The following ZNRF1 variants were observed in gnomAD, a reference collection of about 807,000 sequenced individuals.
ZNRF1 encodes the protein E3 ubiquitin-protein ligase ZNRF1.
ZNRF1 carries 3 observed loss-of-function variants against 18.4 expected under a neutral mutation model. That is an observed-to-expected ratio of 0.16 (90% CI 0.07 to 0.42). The LOEUF is 0.42. ZNRF1 is among the 10% of genes least tolerant of loss of function. ZNRF1 has a pLI of 0.99. For missense variants in ZNRF1, 310 were observed against 329.8 expected (o/e 0.94, Z 0.47); for synonymous variants, 157 against 144.2 (o/e 1.09, Z -0.64).
intron 1 of ZNRF1, among the ~76,000 whole-genome samples, chr16:75,048,544 C>T (rs1007675193): frequency 6.6e-6 from 1 of 152,272 alleles, no homozygotes; most frequent in African/African-American, 2.4e-5. Flanking sequence ...CTTAAAATTT[C>T]GCCTTTACAA....
At chr16:75,054,266 G>A (rs1256195877) in intron 1 of ZNRF1, among the ~76,000 whole-genome samples, 2 of 152,234 alleles carry the variant, frequency 1.3e-5, no homozygotes, top group African/African-American at 4.8e-5. Context: ...CAGCCATTTT[G>A]CTTTGGAGAA....
chr16:75,003,283 T>A (rs577735818), intron 1 of ZNRF1, among the ~76,000 whole-genome samples: 25 of 152,366 alleles, frequency 1.6e-4, no homozygotes, highest in Admixed American at 3.9e-4. Flanking sequence ...CTTAACACAC[T>A]TTGTAAGTAT....
At chr16:75,060,041 G>A (rs1411076861) in intron 1 of ZNRF1, among the ~76,000 whole-genome samples, 1 of 151,982 alleles carries the variant, frequency 6.6e-6, no homozygotes, top group Non-Finnish European at 1.5e-5. Context: ...ACAAACCAAG[G>A]TGAAGTGACA....
intron 2 of ZNRF1, among the ~76,000 whole-genome samples, chr16:75,103,772 G>T (rs983308333): frequency 6.6e-6 from 1 of 152,106 alleles, no homozygotes; most frequent in Admixed American, 6.5e-5. Context: ...GGATCACGAG[G>T]TCAGGAGTTC....
chr16:75,001,944 G>A (rs368602103), intron 1 of ZNRF1, among the ~76,000 whole-genome samples: 1 of 152,160 alleles, frequency 6.6e-6, no homozygotes, highest in African/African-American at 2.4e-5. Flanking sequence ...AGGAAGGTTG[G>A]AGCATATTAA....
intron 1 of ZNRF1, among the ~76,000 whole-genome samples, chr16:75,045,545 A>G (rs1465436513): frequency 8.4e-6 from 1 of 119,456 alleles, no homozygotes; most frequent in African/African-American, 3.2e-5. Context: ...TGAGCCATCC[A>G]TAGTAATAGA....
At chr16:75,059,668 T>C (rs1207458085) in intron 1 of ZNRF1, among the ~76,000 whole-genome samples, 5 of 152,158 alleles carry the variant, frequency 3.3e-5, no homozygotes, top group Admixed American at 1.3e-4. Flanking sequence ...TCTTATCTGA[T>C]CCTTCCATTT....
At chr16:75,098,660 A>T (rs1047845248) in intron 2 of ZNRF1, among the ~76,000 whole-genome samples, 1 of 152,174 alleles carries the variant, frequency 6.6e-6, no homozygotes, top group Non-Finnish European at 1.5e-5. Flanking sequence ...GCTGGAAATG[A>T]GGTCAGGGGG....
chr16:75,064,079 A>C (rs994804301), intron 1 of ZNRF1, among the ~76,000 whole-genome samples: 1 of 151,982 alleles, frequency 6.6e-6, no homozygotes, highest in African/African-American at 2.4e-5. Context: ...CAGGCGGATC[A>C]CTTGAGCTCA....
intron 1 of ZNRF1, among the ~76,000 whole-genome samples, chr16:75,007,057 A>G (rs2034928517): frequency 7.7e-6 from 1 of 130,352 alleles, no homozygotes; most frequent in East Asian, 2.1e-4. Flanking sequence ...ACCAAGTTTA[A>G]TCTTTTTTTT....
intron 1 of ZNRF1, among the ~76,000 whole-genome samples, chr16:75,057,253 A>G (rs530689673): frequency 6.6e-6 from 1 of 152,234 alleles, no homozygotes; most frequent in East Asian, 1.9e-4. Context: ...TTCATGCCAG[A>G]TTTCTAATAT....
At chr16:75,081,037 G>T (rs1169319167) in intron 1 of ZNRF1, among the ~76,000 whole-genome samples, 1 of 152,146 alleles carries the variant, frequency 6.6e-6, no homozygotes, top group Non-Finnish European at 1.5e-5. Flanking sequence ...GCCGGGCGTG[G>T]TGGTGCGCGC....
chr16:75,093,215 T>C (rs2040272127), intron 1 of ZNRF1, among the ~76,000 whole-genome samples: 1 of 151,956 alleles, frequency 6.6e-6, no homozygotes, highest in Non-Finnish European at 1.5e-5. Flanking sequence ...TGAAACCCCC[T>C]CTCTACTAAA....
intron 1 of ZNRF1, among the ~76,000 whole-genome samples, chr16:75,036,088 G>A (rs956929952): frequency 7.9e-5 from 12 of 152,028 alleles, no homozygotes; most frequent in Non-Finnish European, 1.3e-4. Flanking sequence ...GGGTGTGAGG[G>A]GACCTCTCCT....
At chr16:75,052,831 G>A (rs1049680454) in intron 1 of ZNRF1, among the ~76,000 whole-genome samples, 2 of 152,194 alleles carry the variant, frequency 1.3e-5, no homozygotes, top group African/African-American at 2.4e-5. Context: ...CTGTTGTGAT[G>A]CATTTCACAA....
intron 3 of ZNRF1, chr16:75,106,262 G>A (rs1015971623): frequency 3.2e-5 from 18 of 561,208 alleles, no homozygotes; most frequent in South Asian, 6.2e-5. Context: ...CCCCTGAGCC[G>A]GTACTGCTGC....
rs1403884304 is a variant in ZNRF1 at position 75,106,540 on chromosome 16, C to G, written c.*1C>G. The G allele has an allele frequency of 1.2e-6, 2 of 1,614,112 alleles. No individual in the cohort carries two copies. Among genetic ancestry groups the G allele is most frequent in the Non-Finnish European group, 8.5e-7 (1 of 1,180,008 alleles). On this transcript the variant is annotated 3_prime_UTR_variant, in exon 4 of 5. Coordinates refer to ENST00000335325, the MANE Select transcript of ZNRF1 (RefSeq NM_032268.5). Reference sequence around the variant, plus strand: ...TTGTCCGGAACACCCTGCGGACTGACCTGCGGGCTTGCTTGCTGACTCCTC... The same window carrying G: ...TTGTCCGGAACACCCTGCGGACTGAGCTGCGGGCTTGCTTGCTGACTCCTC...
At chr16:75,073,006 C>T (rs2145402494) in intron 1 of ZNRF1, among the ~76,000 whole-genome samples, 1 of 152,242 alleles carries the variant, frequency 6.6e-6, no homozygotes, top group Non-Finnish European at 1.5e-5. Flanking sequence ...AATTGAGGGG[C>T]CAGGCAGGTA....
intron 1 of ZNRF1, among the ~76,000 whole-genome samples, chr16:75,066,704 A>G (rs924204848): frequency 1.3e-5 from 2 of 152,058 alleles, no homozygotes; most frequent in Non-Finnish European, 2.9e-5. Flanking sequence ...GGGTTTCACC[A>G]TGTTGACCAG....
Sources: allele counts gnomAD v4.1 joint callset (sites outside exome capture counted in the v4.1 genomes callset), GRCh38; gene constraint gnomAD v4.1.1; transcripts MANE v1.5; gene names NCBI Gene and HGNC (gene_info 2026-07-23, HGNC 2026-07-21).